KSR1: variants seen among roughly 807,000 people sequenced by gnomAD.
The protein encoded by KSR1 is kinase suppressor of ras.
A neutral mutation model predicts 92.9 loss-of-function variants in KSR1; 35 were observed. That is an observed-to-expected ratio of 0.38 (90% CI 0.29 to 0.50). The LOEUF (loss-of-function observed/expected upper bound fraction) is 0.50. KSR1 is among the 20% of genes least tolerant of loss of function. The pLI is 0.94. For missense variants in KSR1, 972 were observed against 1,158.5 expected (o/e 0.84, Z 2.34); for synonymous variants, 467 against 472.6 (o/e 0.99, Z 0.15).
intron 19 of KSR1, among the ~76,000 whole-genome samples, chr17:27,620,573 C>T (rs187158908): frequency 6.6e-6 from 1 of 152,310 alleles, no homozygotes; most frequent in Non-Finnish European, 1.5e-5. Context: ...CCTCTGCATC[C>T]ACCTGGGGGA....
At chr17:27,466,343 T>C (rs1157735891) in intron 1 of KSR1, among the ~76,000 whole-genome samples, 1 of 152,228 alleles carries the variant, frequency 6.6e-6, no homozygotes, top group Non-Finnish European at 1.5e-5. Context: ...TTGCCTTTTT[T>C]ACAAAGGGAA....
chr17:27,457,686 C>T (rs1423803770), intron 1 of KSR1, among the ~76,000 whole-genome samples: 2 of 152,142 alleles, frequency 1.3e-5, no homozygotes, highest in Non-Finnish European at 2.9e-5. Flanking sequence ...GAAAAACCAG[C>T]CCGAGGGTTG....
chr17:27,581,469 G>A (rs2072752481), intron 3 of KSR1, among the ~76,000 whole-genome samples: 1 of 152,062 alleles, frequency 6.6e-6, no homozygotes. Context: ...ACTCTTCGTA[G>A]TGACCAGAAG....
chr17:27,566,986 T>C (rs950199024), intron 2 of KSR1, among the ~76,000 whole-genome samples: 10 of 152,142 alleles, frequency 6.6e-5, no homozygotes, highest in African/African-American at 1.9e-4. Context: ...GTGCTGACTT[T>C]GGGGTCACAC....
intron 17 of KSR1, among the ~76,000 whole-genome samples, chr17:27,610,434 T>A (rs1296596390): frequency 1.3e-5 from 2 of 152,206 alleles, no homozygotes; most frequent in Non-Finnish European, 2.9e-5. Flanking sequence ...CCCAACAAGG[T>A]CATTTCATGA....
At chr17:27,519,115 T>C (rs777194149) in intron 1 of KSR1, among the ~76,000 whole-genome samples, 1 of 152,264 alleles carries the variant, frequency 6.6e-6, no homozygotes, top group Non-Finnish European at 1.5e-5. Context: ...AGGCCGCTGG[T>C]GGGTAATGGT....
intron 6 of KSR1, among the ~76,000 whole-genome samples, chr17:27,589,273 G>A (rs2151186554): frequency 6.6e-6 from 1 of 152,306 alleles, no homozygotes; most frequent in Middle Eastern, 3.4e-3. Flanking sequence ...ACAGCTGGTA[G>A]TAGGCAGAAG....
intron 2 of KSR1, among the ~76,000 whole-genome samples, chr17:27,560,870 C>T (rs1036383322): frequency 2.0e-5 from 3 of 152,224 alleles, no homozygotes; most frequent in South Asian, 2.1e-4. Context: ...AAGCAGCACA[C>T]ACCCTCACCC....
intron 1 of KSR1, among the ~76,000 whole-genome samples, chr17:27,543,949 T>C: frequency 6.6e-6 from 1 of 152,182 alleles, no homozygotes; most frequent in East Asian, 1.9e-4. Flanking sequence ...CACGGGCAGA[T>C]TCCCACCCAT....
intron 1 of KSR1, among the ~76,000 whole-genome samples, chr17:27,531,125 G>A (rs2070519301): frequency 6.6e-6 from 1 of 152,146 alleles, no homozygotes; most frequent in Non-Finnish European, 1.5e-5. Flanking sequence ...GCCCTTCCCC[G>A]CTTCATTCTC....
chr17:27,566,582 G>A (rs1447154899), intron 2 of KSR1: 5 of 398,984 alleles, frequency 1.3e-5, no homozygotes, highest in South Asian at 1.3e-4. Flanking sequence ...AGGTAGGCAC[G>A]GGGGTCTGGG....
At chr17:27,555,111 T>G (rs1029010370) in intron 2 of KSR1, among the ~76,000 whole-genome samples, 3 of 152,230 alleles carry the variant, frequency 2.0e-5, no homozygotes, top group African/African-American at 7.2e-5. Context: ...TTATTTTGAT[T>G]TATCATGTCT....
At chr17:27,578,328 C>T (rs1306034948) in intron 3 of KSR1, 3 of 154,588 alleles carry the variant, frequency 1.9e-5, no homozygotes, top group African/African-American at 7.2e-5. Context: ...TTAAGGAAGG[C>T]ACCAAGGTTT....
At chr17:27,532,806 T>G (rs959681081) in intron 1 of KSR1, among the ~76,000 whole-genome samples, 1 of 152,190 alleles carries the variant, frequency 6.6e-6, no homozygotes, top group Admixed American at 6.5e-5. Flanking sequence ...ATTCGTGTGC[T>G]CTGGGTCAGT....
At chr17:27,460,977 T>G (rs982676235) in intron 1 of KSR1, among the ~76,000 whole-genome samples, 1 of 152,230 alleles carries the variant, frequency 6.6e-6, no homozygotes, top group Non-Finnish European at 1.5e-5. Flanking sequence ...CAGGGCACAG[T>G]AATGACTTTA....
intron 4 of KSR1, among the ~76,000 whole-genome samples, chr17:27,584,752 C>T (rs1162206342): frequency 1.3e-5 from 2 of 152,166 alleles, no homozygotes; most frequent in Middle Eastern, 3.2e-3. Context: ...GCTCAGGCCA[C>T]CTCGCTGTTC....
In KSR1 at chr17:27,605,499, G is replaced by C. The variant is rs751567695; in HGVS notation, c.1680G>C (p.Pro560=). Residue 560 remains proline (P), a synonymous_variant, in exon 14 of 21, where the codon CCG becomes CCC. Transcript: ENST00000644974. ...EDDEDEVDDL[P]SSRRPWRGPI... is the part of the protein sequence containing the mutation. ...ATGAGGACGAGGTGGACGACTTGCC[G>C]AGCTCTCGCCGGCCCTGGCGGGGCC... is the stretch of plus-strand genomic sequence containing the variant. The C allele has an allele frequency of 8.1e-6, 13 of 1,604,970 alleles. No individual in the cohort carries two copies. The highest frequency in any genetic ancestry group is 1.0e-5 in the Non-Finnish European group (12 of 1,176,656).
intron 6 of KSR1, among the ~76,000 whole-genome samples, chr17:27,590,552 T>C (rs1401485855): frequency 6.6e-6 from 1 of 152,220 alleles, no homozygotes; most frequent in Non-Finnish European, 1.5e-5. Context: ...TACTCTTGAT[T>C]GCTGCTGCCA....
chr17:27,601,387 A>C lies in KSR1; in HGVS notation c.1496A>C (p.Gln499Pro), dbSNP rs909263870. Residue 499 changes from glutamine (Q) to proline (P), a missense_variant, in exon 11 of 21, where the codon CAG (glutamine) becomes CCG (proline). This residue lies in a region of KSR1 where 611 missense variants were observed against 668.0 expected (regional missense o/e 0.91). Coordinates refer to ENST00000644974, the MANE Select transcript of KSR1 (RefSeq NM_001394583.1). ...PAAYFIHHRQ[Q>P]FIFPDISAFA... is the part of the protein sequence containing the mutation. ...GCCTACTTCATTCATCATAGACAGC[A>C]GTTTATCTTTCCAGGTGAGTCCTTT... The C allele has an allele frequency of 1.9e-6, 3 of 1,613,684 alleles. No individual in the cohort carries two copies. Among genetic ancestry groups the C allele is most frequent in the East Asian group, 2.2e-5 (1 of 44,888 alleles).
Sources: allele counts gnomAD v4.1 joint callset (sites outside exome capture counted in the v4.1 genomes callset), GRCh38; gene constraint gnomAD v4.1.1; regional missense constraint gnomAD v4.1.1; transcripts MANE v1.5; gene names NCBI Gene and HGNC (gene_info 2026-07-23, HGNC 2026-07-21).